Variants in ZNF385B observed in about 807,000 individuals in gnomAD.
ZNF385B encodes the protein zinc finger protein 385B.
Under a neutral mutation model 39.2 loss-of-function variants are expected in ZNF385B, and 23 were observed. The observed-to-expected ratio is 0.59, with a 90% confidence interval of 0.42 to 0.83. The LOEUF (loss-of-function observed/expected upper bound fraction) is 0.83, where lower values mean the gene tolerates loss of function less well. Ranked by LOEUF, ZNF385B falls within the 40% of genes least tolerant of loss-of-function variation. ZNF385B has a pLI of 0.00. For synonymous variants in ZNF385B, 205 were observed against 222.6 expected (o/e 0.92, Z 0.70); for missense variants, 552 against 598.9 (o/e 0.92, Z 0.82).
At chr2:179,739,359 G>A (rs188981226) in intron 3 of ZNF385B, among the ~76,000 whole-genome samples, 1 of 152,152 alleles carries the variant, frequency 6.6e-6, no homozygotes, top group African/African-American at 2.4e-5. Flanking sequence ...GGGGTTTATC[G>A]ATTATAGAAC....
At chr2:179,734,333 T>G (rs527776076) in intron 3 of ZNF385B, among the ~76,000 whole-genome samples, 1 of 152,276 alleles carries the variant, frequency 6.6e-6, no homozygotes, top group South Asian at 2.1e-4. Context: ...AGATACACCT[T>G]TTAAGTTTTA....
intron 3 of ZNF385B, among the ~76,000 whole-genome samples, chr2:179,686,427 G>A (rs552428860): frequency 2.0e-4 from 31 of 152,288 alleles, no homozygotes; most frequent in African/African-American, 7.5e-4. Context: ...GAAAAGAGAC[G>A]TTAGCCTGGA....
chr2:179,661,368 G>T (rs1276222401), intron 3 of ZNF385B, among the ~76,000 whole-genome samples: 1 of 152,172 alleles, frequency 6.6e-6, no homozygotes, highest in African/African-American at 2.4e-5. Context: ...CTGGTTCTGA[G>T]GCCTTGAACT....
intron 1 of ZNF385B, among the ~76,000 whole-genome samples, chr2:179,792,275 T>C (rs1481136284): frequency 6.6e-6 from 1 of 152,100 alleles, no homozygotes; most frequent in African/African-American, 2.4e-5. Flanking sequence ...ATTTTTATTA[T>C]AGTTACCATT....
At chr2:179,757,666 C>T (rs1026429347) in intron 3 of ZNF385B, among the ~76,000 whole-genome samples, 7 of 152,148 alleles carry the variant, frequency 4.6e-5, no homozygotes, top group African/African-American at 1.2e-4. Context: ...CATTGGAAGG[C>T]GCCCCTCCCC....
At chr2:179,819,131 T>C (rs1440395767) in intron 1 of ZNF385B, among the ~76,000 whole-genome samples, 1 of 151,744 alleles carries the variant, frequency 6.6e-6, no homozygotes, top group East Asian at 1.9e-4. Context: ...CTAAATCAAA[T>C]AAAGTATGAC....
chr2:179,772,275 C>T (rs903878731), intron 1 of ZNF385B, among the ~76,000 whole-genome samples: 1 of 151,932 alleles, frequency 6.6e-6, no homozygotes, highest in Non-Finnish European at 1.5e-5. Flanking sequence ...TTCAGAGTAC[C>T]AGCATCCTCC....
At chr2:179,618,143 A>T (rs1050437080) in intron 3 of ZNF385B, among the ~76,000 whole-genome samples, 4 of 152,178 alleles carry the variant, frequency 2.6e-5, no homozygotes, top group African/African-American at 9.7e-5. Flanking sequence ...TCTTATACTC[A>T]TTAAATTCCC....
chr2:179,449,889 G>C (rs902022467), intron 6 of ZNF385B, among the ~76,000 whole-genome samples: 6 of 151,630 alleles, frequency 4.0e-5, no homozygotes, highest in African/African-American at 1.2e-4. Flanking sequence ...GCATGGTACT[G>C]GTACCAAAAC....
intron 1 of ZNF385B, among the ~76,000 whole-genome samples, chr2:179,789,334 GA>G (rs770176928): frequency 1.3e-4 from 20 of 152,230 alleles, no homozygotes; most frequent in Non-Finnish European, 2.5e-4. Flanking sequence ...AAAACTTTGA[GA>G]AAGAACAGCA....
intron 3 of ZNF385B, among the ~76,000 whole-genome samples, chr2:179,560,993 G>T (rs1036038233): frequency 2.0e-5 from 3 of 152,076 alleles, no homozygotes; most frequent in Admixed American, 2.0e-4. Flanking sequence ...TGAAGGACAG[G>T]GACAAGTTAG....
chr2:179,837,882 G>A (rs1433618357), intron 1 of ZNF385B, among the ~76,000 whole-genome samples: 2 of 152,068 alleles, frequency 1.3e-5, no homozygotes, highest in African/African-American at 4.8e-5. Flanking sequence ...AGGTAATAAC[G>A]TTCTATCATC....
At chr2:179,620,336 G>A (rs186679761) in intron 3 of ZNF385B, among the ~76,000 whole-genome samples, 174 of 152,164 alleles carry the variant, frequency 1.1e-3, no homozygotes, top group Middle Eastern at 3.4e-3. Context: ...TCTGATCTTC[G>A]GATCTGGGGC....
chr2:179,533,868 C>T (rs1485898567), intron 4 of ZNF385B, among the ~76,000 whole-genome samples: 1 of 152,176 alleles, frequency 6.6e-6, no homozygotes, highest in African/African-American at 2.4e-5. Context: ...TCTTACTACT[C>T]TATGACAATG....
In ZNF385B at chr2:179,801,195, T is replaced by A. The variant is rs1706009259; in HGVS notation, c.-154-30523A>T. On this transcript the variant is annotated intron_variant, in intron 1 of 9. Coordinates refer to ENST00000410066, the MANE Select transcript of ZNF385B (RefSeq NM_152520.6). ...GCACTTTTCTGCTAAAACTTGTGAT[T>A]TCTCCTTCATACTATGGAGTTGTTA... Among the ~76,000 whole-genome samples the A allele has an allele frequency of 2.6e-5, 4 of 152,070 alleles. No individual in the cohort carries two copies. In the South Asian group the frequency reaches 6.2e-4, roughly 24 times the overall value.
intron 1 of ZNF385B, among the ~76,000 whole-genome samples, chr2:179,855,115 G>A (rs1473938666): frequency 6.6e-6 from 1 of 151,812 alleles, no homozygotes; most frequent in African/African-American, 2.4e-5. Flanking sequence ...AGTGGAATAT[G>A]GTCCCCAGTT....
chr2:179,785,899 T>G (rs532047912), intron 1 of ZNF385B, among the ~76,000 whole-genome samples: 5 of 152,242 alleles, frequency 3.3e-5, no homozygotes, highest in African/African-American at 1.2e-4. Context: ...TTGAAAGAAG[T>G]TCTAATGTGG....
At chr2:179,627,653 C>A (rs561109880) in intron 3 of ZNF385B, among the ~76,000 whole-genome samples, 21 of 152,204 alleles carry the variant, frequency 1.4e-4, no homozygotes, top group Non-Finnish European at 3.1e-4. Flanking sequence ...AGCTTGAAAT[C>A]AGCCTTGGTG....
intron 3 of ZNF385B, among the ~76,000 whole-genome samples, chr2:179,646,384 C>A (rs552944917): frequency 6.6e-6 from 1 of 152,200 alleles, no homozygotes. Flanking sequence ...TGCAATCCAG[C>A]GTGGATGACA....
Sources: allele counts gnomAD v4.1 joint callset (sites outside exome capture counted in the v4.1 genomes callset), GRCh38; gene constraint gnomAD v4.1.1; transcripts MANE v1.5; gene names NCBI Gene and HGNC (gene_info 2026-07-23, HGNC 2026-07-21).